RCAN1: variants seen among roughly 807,000 people sequenced by gnomAD.
RCAN1 encodes the protein calcipressin-1.
RCAN1 carries 11 observed loss-of-function variants against 22.9 expected under a neutral mutation model. The ratio of observed to expected loss-of-function variants is 0.48; its 90% confidence interval spans 0.30 to 0.79. The LOEUF (loss-of-function observed/expected upper bound fraction) is 0.79, where lower values mean the gene tolerates loss of function less well. Among genes scored for constraint, RCAN1 ranks in the 30% least tolerant of loss-of-function variants. The pLI is 0.06. For synonymous variants in RCAN1, 136 were observed against 142.3 expected (o/e 0.96, Z 0.32); for missense variants, 291 against 337.8 (o/e 0.86, Z 1.09).
At chr21:34,603,788 T>G (rs1273382698) in intron 1 of RCAN1, among the ~76,000 whole-genome samples, 2 of 152,252 alleles carry the variant, frequency 1.3e-5, no homozygotes, top group African/African-American at 4.8e-5. Flanking sequence ...CTAAAATATC[T>G]GGCACAAGTG....
chr21:34,604,371 A>T (rs1160571626), intron 1 of RCAN1, among the ~76,000 whole-genome samples: 1 of 152,154 alleles, frequency 6.6e-6, no homozygotes, highest in African/African-American at 2.4e-5. Context: ...ACCTCAGGTG[A>T]TCTGCCCGCC....
At chr21:34,584,061 C>T (rs115729742) in intron 1 of RCAN1, among the ~76,000 whole-genome samples, 1 of 152,238 alleles carries the variant, frequency 6.6e-6, no homozygotes, top group Non-Finnish European at 1.5e-5. Flanking sequence ...AATGGTTGTT[C>T]CTGCTCCTAC....
chr21:34,613,786 C>A, intron 1 of RCAN1: 2 of 1,502,866 alleles, frequency 1.3e-6, no homozygotes, highest in Non-Finnish European at 1.8e-6. Context: ...ATGACACTTA[C>A]ATACACCATT....
intron 1 of RCAN1, among the ~76,000 whole-genome samples, chr21:34,557,196 G>C (rs887398546): frequency 2.6e-5 from 4 of 152,216 alleles, no homozygotes; most frequent in South Asian, 2.1e-4. Flanking sequence ...CTTGGTGACA[G>C]AGTGAGACTC....
chr21:34,592,639 T>C (rs145928998), intron 1 of RCAN1, among the ~76,000 whole-genome samples: 1 of 152,280 alleles, frequency 6.6e-6, no homozygotes, highest in Non-Finnish European at 1.5e-5. Flanking sequence ...CTCCAGTCTA[T>C]AAGAGGATAA....
In RCAN1 at chr21:34,517,927, G is replaced by C. The variant is rs1365144712; in HGVS notation, c.*157C>G. 1 of 832,392 alleles carries C rather than the reference G, an allele frequency of 1.2e-6. No homozygotes were observed. The highest frequency in any genetic ancestry group is 1.9e-6 in the Non-Finnish European group (1 of 528,836). The allele number at this position is 832,392 out of a possible 1,614,324, so 51.6% of individuals were successfully genotyped here. A position where few individuals can be genotyped will look rare whatever the true frequency, so the allele number is the denominator to read the frequency against. ...AACTGGTGTGCAGCATTAGAACAAG[G>C]GGACACGGCCTTGATTCTCTTCTGA... On this transcript the variant is annotated 3_prime_UTR_variant, in exon 4 of 4. Transcript: ENST00000313806.
intron 1 of RCAN1, chr21:34,560,015 C>A (rs2123662349): frequency 6.6e-6 from 1 of 152,288 alleles, no homozygotes; most frequent in South Asian, 2.1e-4. Flanking sequence ...TGAGCTCATG[C>A]AGATCTCAGG....
chr21:34,579,576 G>A (rs1414227265), intron 1 of RCAN1, among the ~76,000 whole-genome samples: 1 of 152,196 alleles, frequency 6.6e-6, no homozygotes, highest in African/African-American at 2.4e-5. Context: ...AGCAATGTAT[G>A]ACTCAATGCA....
At chr21:34,526,278 C>G (rs1207698810) in intron 1 of RCAN1, among the ~76,000 whole-genome samples, 3 of 152,212 alleles carry the variant, frequency 2.0e-5, no homozygotes, top group African/African-American at 7.2e-5. Context: ...ATCTTTATAA[C>G]ATTTATTTCC....
chr21:34,575,770 G>A (rs551175790), intron 1 of RCAN1, among the ~76,000 whole-genome samples: 22 of 152,298 alleles, frequency 1.4e-4, no homozygotes, highest in South Asian at 4.1e-4. Context: ...GCAACGACAC[G>A]TGCAAAATGA....
chr21:34,589,715 G>GA (rs397825661), intron 1 of RCAN1, among the ~76,000 whole-genome samples: 1 of 151,686 alleles, frequency 6.6e-6, no homozygotes, highest in Non-Finnish European at 1.5e-5. Flanking sequence ...CAAAAGGGGG[G>GA]AGTCTGCCCC....
At chr21:34,583,724 G>A (rs1345111407) in intron 1 of RCAN1, among the ~76,000 whole-genome samples, 1 of 152,148 alleles carries the variant, frequency 6.6e-6, no homozygotes, top group Non-Finnish European at 1.5e-5. Flanking sequence ...CCCCCAATCT[G>A]TGGTATTATG....
At chr21:34,571,787 A>G (rs114708450) in intron 1 of RCAN1, among the ~76,000 whole-genome samples, 4,206 of 152,218 alleles carry the variant, frequency 0.028, 170 homozygotes, top group South Asian at 0.11. Context: ...GGCTCAAGCA[A>G]CCCTCTCGCC....
intron 1 of RCAN1, among the ~76,000 whole-genome samples, chr21:34,588,131 A>C (rs894991186): frequency 1.3e-5 from 2 of 152,212 alleles, no homozygotes; most frequent in Non-Finnish European, 2.9e-5. Context: ...TATTGGTTCT[A>C]TTTCTCTGGA....
chr21:34,522,710 G>A (rs1984670075), intron 2 of RCAN1: 1 of 134,204 alleles, frequency 7.5e-6, no homozygotes, highest in Admixed American at 8.1e-5. Flanking sequence ...CAAGGTATGT[G>A]TGTATGTGTG....
intron 1 of RCAN1, chr21:34,524,426 A>C (rs1004320761): frequency 6.7e-6 from 1 of 149,940 alleles, no homozygotes; most frequent in African/African-American, 2.5e-5. Flanking sequence ...CGGCTAGCCA[A>C]CTCCAACCCC....
At chr21:34,571,544 C>A (rs1987234227) in intron 1 of RCAN1, among the ~76,000 whole-genome samples, 1 of 152,142 alleles carries the variant, frequency 6.6e-6, no homozygotes, top group African/African-American at 2.4e-5. Flanking sequence ...TAAATTAGAA[C>A]TGTACACAGA....
chr21:34,562,049 G>A (rs1986810564), intron 1 of RCAN1, among the ~76,000 whole-genome samples: 1 of 152,206 alleles, frequency 6.6e-6, no homozygotes, highest in Non-Finnish European at 1.5e-5. Context: ...TAACCAGAGT[G>A]GGGCACTCCC....
chr21:34,601,601 G>A (rs11088289), intron 1 of RCAN1, among the ~76,000 whole-genome samples: 35,950 of 152,062 alleles, frequency 0.24, 4,565 homozygotes, highest in Middle Eastern at 0.29. Context: ...GGCGGATCAC[G>A]AGGTCAGGAG....
Sources: allele counts gnomAD v4.1 joint callset (sites outside exome capture counted in the v4.1 genomes callset), GRCh38; gene constraint gnomAD v4.1.1; transcripts MANE v1.5; gene names NCBI Gene and HGNC (gene_info 2026-07-23, HGNC 2026-07-21).